The following PTPRD variants were observed in gnomAD, a reference collection of about 807,000 sequenced individuals.
PTPRD encodes receptor-type tyrosine-protein phosphatase delta.
In PTPRD, 34 loss-of-function variants were observed where a neutral mutation model predicts 214.5. The ratio of observed to expected loss-of-function variants is 0.16; its 90% CI spans 0.12 to 0.21. PTPRD has a LOEUF of 0.21. Among genes scored for constraint, PTPRD ranks in the 10% least tolerant of loss-of-function variants. PTPRD has a pLI of 1.00. For synonymous variants in PTPRD, 1,128 were observed against 845.7 expected, an observed-to-expected ratio of 1.33 and a Z score of -5.79; for missense variants, 2,545 against 2,398.7, an observed-to-expected ratio of 1.06 and a Z score of -1.27.
chr9:8,873,372 A>T (rs1440180713), intron 11 of PTPRD, among the ~76,000 whole-genome samples: 1 of 152,036 alleles, frequency 6.6e-6, no homozygotes, highest in Non-Finnish European at 1.5e-5. Context: ...TGTTTTAATT[A>T]TTTCTTTAAT....
intron 9 of PTPRD, among the ~76,000 whole-genome samples, chr9:9,280,762 G>A (rs993100431): frequency 4.6e-5 from 7 of 151,232 alleles, no homozygotes; most frequent in Non-Finnish European, 7.4e-5. Context: ...CTCATTTTGT[G>A]AATATTGACA....
At chr9:10,482,331 A>G (rs985008107) in intron 2 of PTPRD, among the ~76,000 whole-genome samples, 6 of 152,096 alleles carry the variant, frequency 3.9e-5, no homozygotes, top group Admixed American at 6.6e-5. Context: ...AGATGGCGCC[A>G]CTGCACTCCA....
intron 10 of PTPRD, among the ~76,000 whole-genome samples, chr9:9,053,265 T>C (rs964247452): frequency 6.6e-6 from 1 of 152,160 alleles, no homozygotes; most frequent in African/African-American, 2.4e-5. Flanking sequence ...CCAAGTTTAG[T>C]TCTACCACTT....
intron 6 of PTPRD, among the ~76,000 whole-genome samples, chr9:9,756,607 A>G (rs1309905123): frequency 6.6e-6 from 1 of 152,144 alleles, no homozygotes; most frequent in Non-Finnish European, 1.5e-5. Context: ...TTTAGTGGAT[A>G]CAGAGTTTTC....
intron 9 of PTPRD, among the ~76,000 whole-genome samples, chr9:9,340,849 G>A (rs551744325): frequency 1.2e-4 from 18 of 152,216 alleles, no homozygotes; most frequent in Non-Finnish European, 2.5e-4. Flanking sequence ...TTACATTCCT[G>A]AAGAAGGCAT....
chr9:8,765,292 A>T (rs2094645036), intron 11 of PTPRD, among the ~76,000 whole-genome samples: 1 of 152,232 alleles, frequency 6.6e-6, no homozygotes, highest in African/African-American at 2.4e-5. Context: ...TGCCAGAGGT[A>T]ATGCAATAAC....
At chr9:9,359,695 T>C (rs1381218494) in intron 9 of PTPRD, among the ~76,000 whole-genome samples, 1 of 151,296 alleles carries the variant, frequency 6.6e-6, no homozygotes, top group Non-Finnish European at 1.5e-5. Flanking sequence ...TCTAAGCTGA[T>C]TTTCTTCAGA....
chr9:8,384,408 A>G (rs910741415), intron 37 of PTPRD, among the ~76,000 whole-genome samples: 1 of 152,012 alleles, frequency 6.6e-6, no homozygotes, highest in East Asian at 1.9e-4. Flanking sequence ...GAAACTAGGG[A>G]AAAAAAACCA....
chr9:9,793,431 G>A (rs1354307002), intron 5 of PTPRD, among the ~76,000 whole-genome samples: 1 of 152,016 alleles, frequency 6.6e-6, no homozygotes, highest in Non-Finnish European at 1.5e-5. Flanking sequence ...AGAAGTAAAT[G>A]TATTAAAATG....
intron 9 of PTPRD, among the ~76,000 whole-genome samples, chr9:9,224,005 ACT>A (rs1257175262): frequency 1.2e-4 from 18 of 152,050 alleles, no homozygotes; most frequent in African/African-American, 3.9e-4. Flanking sequence ...ATGTATTTCT[ACT>A]AATCTGCTTA....
chr9:8,700,413 C>T (rs1031383362), intron 12 of PTPRD, among the ~76,000 whole-genome samples: 1 of 152,216 alleles, frequency 6.6e-6, no homozygotes, highest in Non-Finnish European at 1.5e-5. Flanking sequence ...AAATTCATTT[C>T]TACTATTGAA....
At chr9:8,346,155 C>T (rs1269420819) in intron 39 of PTPRD, among the ~76,000 whole-genome samples, 1 of 151,646 alleles carries the variant, frequency 6.6e-6, no homozygotes, top group African/African-American at 2.4e-5. Flanking sequence ...ATCTTAGACT[C>T]TTTTTGCCTC....
intron 14 of PTPRD, among the ~76,000 whole-genome samples, chr9:8,543,902 G>C (rs554699421): frequency 3.3e-5 from 5 of 152,044 alleles, no homozygotes; most frequent in Admixed American, 6.5e-5. Flanking sequence ...AGTAGAGACG[G>C]GGTTTCACCA....
intron 6 of PTPRD, among the ~76,000 whole-genome samples, chr9:9,742,407 A>C (rs1460402749): frequency 6.6e-6 from 1 of 152,198 alleles, no homozygotes; most frequent in Admixed American, 6.5e-5. Flanking sequence ...CAGAATACTC[A>C]AATTAGAAGC....
chr9:9,261,571 T>C lies in PTPRD; in HGVS notation c.-202-78208A>G, dbSNP rs1594758242. ...CTTTTAGAGGCCACCTGTGATAAAA[T>C]GGGGGAAGGGGTGGCGGTTGGTAGA... On this transcript the variant is annotated intron_variant, in intron 9 of 45. Coordinates refer to ENST00000381196, the MANE Select transcript of PTPRD (RefSeq NM_002839.4). 1.3e-5 allele frequency among the ~76,000 whole-genome samples: 2 copies of C among 151,308 alleles called. 1 individual carries two copies. The highest frequency in any genetic ancestry group is 3.9e-4 in the East Asian group (2 of 5,088).
At chr9:8,645,732 T>C (rs1299335071) in intron 12 of PTPRD, among the ~76,000 whole-genome samples, 4 of 138,078 alleles carry the variant, frequency 2.9e-5, no homozygotes, top group Admixed American at 7.6e-5. Context: ...TTGCACTTTC[T>C]ATCAATGTTA....
intron 2 of PTPRD, among the ~76,000 whole-genome samples, chr9:10,534,704 C>A (rs879502468): frequency 6.6e-6 from 1 of 152,012 alleles, no homozygotes; most frequent in Non-Finnish European, 1.5e-5. Flanking sequence ...CTACTATCTA[C>A]TAAGAAGAAG....
chr9:10,500,613 C>T (rs2043369457), intron 2 of PTPRD, among the ~76,000 whole-genome samples: 1 of 151,816 alleles, frequency 6.6e-6, no homozygotes, highest in African/African-American at 2.4e-5. Flanking sequence ...ACTATAGTCA[C>T]TCTGTAGTGC....
chr9:9,896,538 G>T (rs116747104), intron 5 of PTPRD, among the ~76,000 whole-genome samples: 2,135 of 151,754 alleles, frequency 0.014, 58 homozygotes, highest in African/African-American at 0.049. Flanking sequence ...TTAAAAGAAA[G>T]GAAAAAATCT....
Sources: allele counts gnomAD v4.1 joint callset (sites outside exome capture counted in the v4.1 genomes callset), GRCh38; gene constraint gnomAD v4.1.1; transcripts MANE v1.5; gene names NCBI Gene and HGNC (gene_info 2026-07-23, HGNC 2026-07-21).